The following CEP120 variants were observed in gnomAD, a reference collection of about 807,000 sequenced individuals.
CEP120 encodes centrosomal protein of 120 kDa.
A neutral mutation model predicts 126.5 loss-of-function variants in CEP120; 113 were observed. The observed-to-expected ratio is 0.89, with a 90% CI of 0.77 to 1.04. The LOEUF (loss-of-function observed/expected upper bound fraction) is 1.04. Among genes scored for constraint, CEP120 ranks in the 50% least tolerant of loss-of-function variants. The pLI, the probability that CEP120 is intolerant of heterozygous loss-of-function variation, is 0.00. For missense variants in CEP120, 1,230 were observed against 1,155.7 expected, an observed-to-expected ratio of 1.06 and a Z score of -0.93; for synonymous variants, 400 against 394.3, an observed-to-expected ratio of 1.01 and a Z score of -0.17.
chr5:123,354,048 C>T (rs1194113601), intron 18 of CEP120, among the ~76,000 whole-genome samples: 2 of 152,114 alleles, frequency 1.3e-5, no homozygotes, highest in Non-Finnish European at 2.9e-5. Context: ...CTAAACACAA[C>T]TGTGGTTATA....
At chr5:123,410,327 G>C (rs979499240) in intron 4 of CEP120, among the ~76,000 whole-genome samples, 5 of 152,124 alleles carry the variant, frequency 3.3e-5, no homozygotes, top group Non-Finnish European at 7.4e-5. Flanking sequence ...TTATTTTGTA[G>C]ATACTGACAA....
At chr5:123,394,488 G>A (rs1018757319) in intron 5 of CEP120, among the ~76,000 whole-genome samples, 8 of 152,124 alleles carry the variant, frequency 5.3e-5, no homozygotes, top group Non-Finnish European at 1.2e-4. Context: ...GGCAGAGCTC[G>A]GGCCCTAATG....
chr5:123,395,975 C>G (rs1030603378), intron 5 of CEP120, among the ~76,000 whole-genome samples: 2 of 149,952 alleles, frequency 1.3e-5, no homozygotes, highest in African/African-American at 2.5e-5. Context: ...AGCCACTGAG[C>G]CTGGTCTCCA....
At chr5:123,349,252 A>G (rs1769037906) in intron 19 of CEP120, among the ~76,000 whole-genome samples, 1 of 152,130 alleles carries the variant, frequency 6.6e-6, no homozygotes, top group African/African-American at 2.4e-5. Context: ...TACTAGCTAC[A>G]TGATCTTGAA....
chr5:123,409,104 A>G (rs1773876836), intron 4 of CEP120, among the ~76,000 whole-genome samples: 1 of 152,202 alleles, frequency 6.6e-6, no homozygotes, highest in Non-Finnish European at 1.5e-5. Context: ...TATCCCAGGT[A>G]TGCAAGTCTG....
At chr5:123,396,232 G>A (rs1275718046) in intron 5 of CEP120, among the ~76,000 whole-genome samples, 3 of 151,686 alleles carry the variant, frequency 2.0e-5, no homozygotes, top group Non-Finnish European at 4.4e-5. Flanking sequence ...TTCACCTTTT[G>A]GCTATCATGT....
chr5:123,382,708 A>AT (rs1180156219), intron 13 of CEP120, 29 bp downstream of exon 13: 2 of 1,592,898 alleles, frequency 1.3e-6, no homozygotes, highest in African/African-American at 1.3e-5. Context: ...GACAAAGCAG[A>AT]TTTTTTAAAG....
chr5:123,348,166 T>C (rs1306074729), intron 19 of CEP120, among the ~76,000 whole-genome samples: 1 of 152,212 alleles, frequency 6.6e-6, no homozygotes, highest in Non-Finnish European at 1.5e-5. Flanking sequence ...ATCACTTAAG[T>C]GATTTTTCTT....
chr5:123,366,109 C>T (rs537794356), intron 17 of CEP120, among the ~76,000 whole-genome samples: 1 of 151,684 alleles, frequency 6.6e-6, no homozygotes, highest in Non-Finnish European at 1.5e-5. Context: ...GAGACACAAA[C>T]CTCATTCTTC....
intron 17 of CEP120, among the ~76,000 whole-genome samples, chr5:123,367,878 T>A (rs1235861398): frequency 3.3e-5 from 5 of 151,940 alleles, no homozygotes; most frequent in Non-Finnish European, 7.4e-5. Context: ...AATCAGATAC[T>A]TTTTAACTTG....
intron 17 of CEP120, among the ~76,000 whole-genome samples, chr5:123,366,159 T>C (rs1434513138): frequency 2.0e-5 from 3 of 151,548 alleles, no homozygotes; most frequent in East Asian, 1.9e-4. Flanking sequence ...TCCTAACTTA[T>C]TTTTTTTAAG....
chr5:123,352,066 A>ACGT (rs1440973602), intron 18 of CEP120, among the ~76,000 whole-genome samples: 2 of 152,092 alleles, frequency 1.3e-5, no homozygotes, highest in Non-Finnish European at 2.9e-5. Flanking sequence ...GAGGTTGAAC[A>ACGT]CGTTTCAATA....
chr5:123,390,333 T>C, intron 7 of CEP120, 193 bp from the exon 8 acceptor site: 1 of 658,304 alleles, frequency 1.5e-6, no homozygotes, highest in Admixed American at 2.1e-5. Flanking sequence ...ACAGAGGAAA[T>C]ATGATATCCA....
Position 123,346,368 on chromosome 5 carries a change from A to G in CEP120, c.*151T>C. 1.9e-6 allele frequency: 1 copy of G among 531,446 alleles called. No individual in the cohort carries two copies. The highest frequency in any genetic ancestry group is 3.4e-5 in the South Asian group (1 of 29,736). 32.9% of individuals were successfully genotyped at this position (531,446 alleles called of 1,614,324 possible). A position where few individuals can be genotyped will look rare whatever the true frequency, so the allele number is the denominator to read the frequency against. On this transcript the variant is annotated 3_prime_UTR_variant, in exon 20 of 20. Coordinates refer to ENST00000306467, the MANE Select transcript of CEP120 (RefSeq NM_001375405.1). Reference sequence around the variant, plus strand: ...GGAGAGGTAGCATAAAGTAAATAAGATCAAATAAATACTATACAATAACAT... The same window carrying G: ...GGAGAGGTAGCATAAAGTAAATAAGGTCAAATAAATACTATACAATAACAT...
At chr5:123,369,131 C>A (rs1775447035) in intron 17 of CEP120, among the ~76,000 whole-genome samples, 1 of 151,862 alleles carries the variant, frequency 6.6e-6, no homozygotes, top group South Asian at 2.1e-4. Flanking sequence ...ATTTTCTACA[C>A]ACTAGATGAA....
intron 4 of CEP120, chr5:123,401,124 T>G (rs566008827): frequency 1.0e-4 from 166 of 1,603,110 alleles, no homozygotes; most frequent in Non-Finnish European, 1.3e-4. Flanking sequence ...ACTCATGTTC[T>G]GCATCCCAGA....
At chr5:123,383,753 C>T (rs919606109) in intron 11 of CEP120, among the ~76,000 whole-genome samples, 10 of 152,042 alleles carry the variant, frequency 6.6e-5, no homozygotes, top group Non-Finnish European at 1.0e-4. Flanking sequence ...TAATGAGCAC[C>T]TCTTTGTATC....
intron 1 of CEP120, among the ~76,000 whole-genome samples, chr5:123,419,015 C>T (rs922176016): frequency 6.6e-6 from 1 of 152,174 alleles, no homozygotes; most frequent in Non-Finnish European, 1.5e-5. Context: ...AAATGGAAAG[C>T]TATAATTTAT....
intron 19 of CEP120, 97 bp downstream of exon 19, chr5:123,349,847 T>A (rs1580621653): frequency 2.1e-6 from 2 of 944,038 alleles, no homozygotes; most frequent in East Asian, 5.3e-5. Flanking sequence ...TTTTATATAT[T>A]TTTATATATG....
Sources: allele counts gnomAD v4.1 joint callset (sites outside exome capture counted in the v4.1 genomes callset), GRCh38; gene constraint gnomAD v4.1.1; transcripts MANE v1.5; gene names NCBI Gene and HGNC (gene_info 2026-07-23, HGNC 2026-07-21).